The following GRIK4 variants were observed in gnomAD, a reference collection of about 807,000 sequenced individuals.
GRIK4 encodes glutamate ionotropic receptor kainate type subunit 4.
GRIK4 carries 40 observed loss-of-function variants against 104.9 expected under a neutral mutation model. That is an observed-to-expected ratio of 0.38 (90% CI 0.30 to 0.50). The LOEUF (loss-of-function observed/expected upper bound fraction) is 0.50, where lower values mean the gene tolerates loss of function less well. GRIK4 is among the 20% of genes least tolerant of loss of function. The pLI, the probability that GRIK4 is intolerant of heterozygous loss-of-function variation, is 0.93. For missense variants in GRIK4, 1,047 were observed against 1,308.1 expected (o/e 0.80, Z 3.08); for synonymous variants, 485 against 524.9 (o/e 0.92, Z 1.04).
chr11:120,545,388 A>G (rs1247215268), intron 1 of GRIK4, among the ~76,000 whole-genome samples: 2 of 152,250 alleles, frequency 1.3e-5, no homozygotes, highest in Non-Finnish European at 2.9e-5. Flanking sequence ...TAAAAAATAC[A>G]GTGAGGCAAA....
intron 1 of GRIK4, among the ~76,000 whole-genome samples, chr11:120,522,962 C>T (rs1947812940): frequency 6.6e-6 from 1 of 151,972 alleles, no homozygotes; most frequent in African/African-American, 2.4e-5. Context: ...AGGCTGGGCC[C>T]TTACAAAATG....
rs1044205659 is a variant in GRIK4, at chr11:120,974,175, C to T, written c.2395+6852C>T. 6.6e-5 allele frequency among the ~76,000 whole-genome samples: 10 copies of T among 152,008 alleles called. No homozygotes were observed. The East Asian group carries it at 1.2e-3, about 18-fold the overall frequency. ...TGCCCCCCTTGGCCTCCCAAAGTGC[C>T]GGGATTACAGGCGTGAGCCACCACA... On this transcript the variant is annotated intron_variant, in intron 19 of 20. Coordinates refer to ENST00000527524, the MANE Select transcript of GRIK4 (RefSeq NM_014619.5).
chr11:120,733,804 C>G (rs1000724903), intron 3 of GRIK4, among the ~76,000 whole-genome samples: 1 of 149,268 alleles, frequency 6.7e-6, no homozygotes, highest in Non-Finnish European at 1.5e-5. Context: ...GTGGCACGAT[C>G]TTGGCTCACT....
intron 16 of GRIK4, among the ~76,000 whole-genome samples, chr11:120,960,493 G>A (rs929478265): frequency 1.3e-5 from 2 of 152,318 alleles, no homozygotes; most frequent in Non-Finnish European, 2.9e-5. Flanking sequence ...ACTGCCTGGC[G>A]ATGCACATTT....
chr11:120,753,342 T>TGTGTGTGC (rs1491307184), intron 3 of GRIK4, among the ~76,000 whole-genome samples: 1 of 144,200 alleles, frequency 6.9e-6, no homozygotes, highest in African/African-American at 2.5e-5. Flanking sequence ...TGTGTGTGTG[T>TGTGTGTGC]GCAGGGTGGC....
chr11:120,974,677 C>T (rs545293953), intron 19 of GRIK4, among the ~76,000 whole-genome samples: 1 of 152,148 alleles, frequency 6.6e-6, no homozygotes, highest in Non-Finnish European at 1.5e-5. Context: ...TTTGCCAGGT[C>T]TTGCTTGCCT....
chr11:120,559,223 TC>T (rs1948215656), intron 1 of GRIK4, among the ~76,000 whole-genome samples: 1 of 152,140 alleles, frequency 6.6e-6, no homozygotes, highest in Non-Finnish European at 1.5e-5. Context: ...GGAAGTGAGA[TC>T]CATGGTTCCC....
intron 8 of GRIK4, among the ~76,000 whole-genome samples, chr11:120,846,813 A>C (rs1375572927): frequency 1.3e-5 from 2 of 152,220 alleles, no homozygotes; most frequent in African/African-American, 4.8e-5. Flanking sequence ...TGAATACATA[A>C]TGAACAACCA....
intron 1 of GRIK4, among the ~76,000 whole-genome samples, chr11:120,523,233 T>G (rs995046408): frequency 6.6e-6 from 1 of 151,274 alleles, no homozygotes; most frequent in African/African-American, 2.4e-5. Context: ...GTAACGGTCC[T>G]GCCAGAGTCC....
At chr11:120,798,032 A>AG (rs756363660) in intron 3 of GRIK4, among the ~76,000 whole-genome samples, 7 of 152,156 alleles carry the variant, frequency 4.6e-5, no homozygotes, top group Non-Finnish European at 8.8e-5. Context: ...TCTGGAGGCT[A>AG]GGAGTCCAAG....
intron 1 of GRIK4, among the ~76,000 whole-genome samples, chr11:120,578,502 C>A (rs1409671128): frequency 6.6e-6 from 1 of 152,196 alleles, no homozygotes; most frequent in Non-Finnish European, 1.5e-5. Flanking sequence ...ACCATTGCAA[C>A]CTTACACGTA....
rs1278595508 is a variant in GRIK4, at chr11:120,902,753, A to T, written c.1273-2537A>T. 6.6e-6 allele frequency among the ~76,000 whole-genome samples: 1 copy of T among 152,176 alleles called. No homozygotes were observed. The highest frequency in any genetic ancestry group is 1.5e-5 in the Non-Finnish European group (1 of 68,034). On this transcript the variant is annotated intron_variant, in intron 12 of 20. Coordinates refer to ENST00000527524, the MANE Select transcript of GRIK4 (RefSeq NM_014619.5). This position sits in a 1 kb window ranked among gnomAD's most constrained non-coding sequence, Gnocchi z 4.5. ...GGGGAGTTCTGAGACATGGGTTGGC[A>T]CAGAAGGAGGCAGTGTGACTCTGCG...
intron 1 of GRIK4, among the ~76,000 whole-genome samples, chr11:120,535,821 T>C (rs188537629): frequency 3.2e-4 from 48 of 152,362 alleles, no homozygotes; most frequent in African/African-American, 1.1e-3. Context: ...CTTGCTCCCA[T>C]GTAACATGCA....
intron 1 of GRIK4, among the ~76,000 whole-genome samples, chr11:120,652,197 A>G (rs1266610219): frequency 6.6e-6 from 1 of 152,216 alleles, no homozygotes; most frequent in African/African-American, 2.4e-5. Context: ...TTCAATAAAG[A>G]TTATATTATC....
intron 8 of GRIK4, among the ~76,000 whole-genome samples, chr11:120,843,944 T>G (rs1244563806): frequency 6.6e-6 from 1 of 152,138 alleles, no homozygotes; most frequent in Non-Finnish European, 1.5e-5. Flanking sequence ...CAGGTCCAAG[T>G]GAGCCCTGCA....
chr11:120,681,486 C>T (rs1950192702), intron 3 of GRIK4, among the ~76,000 whole-genome samples: 1 of 152,170 alleles, frequency 6.6e-6, no homozygotes, highest in African/African-American at 2.4e-5. Flanking sequence ...TTTTCCCTCC[C>T]TCTCTTCATT....
chr11:120,604,033 G>C (rs1349559002), intron 1 of GRIK4, among the ~76,000 whole-genome samples: 2 of 151,958 alleles, frequency 1.3e-5, no homozygotes, highest in Admixed American at 6.6e-5. Context: ...TTAGCCAGGC[G>C]TGGTGGCGGG....
At chr11:120,740,074 A>T (rs1951300166) in intron 3 of GRIK4, among the ~76,000 whole-genome samples, 1 of 152,218 alleles carries the variant, frequency 6.6e-6, no homozygotes, top group African/African-American at 2.4e-5. Flanking sequence ...TGGGATGTGG[A>T]CTACATGGAC....
chr11:120,896,952 G>T (rs1942598954), intron 11 of GRIK4, among the ~76,000 whole-genome samples: 2 of 152,216 alleles, frequency 1.3e-5, no homozygotes, highest in African/African-American at 2.4e-5. Flanking sequence ...TTTGCCAGGG[G>T]CTCCAGCTAG....
Sources: gnomAD v4.1 joint callset for allele counts (sites outside exome capture counted in the v4.1 genomes callset) on GRCh38, gnomAD v4.1.1 for gene constraint, Gnocchi (gnomAD v3.1) non-coding constraint, MANE v1.5 for transcripts, NCBI Gene and HGNC (gene_info 2026-07-23, HGNC 2026-07-21) for gene names.